BRD10: variants seen among roughly 807,000 people sequenced by gnomAD.
BRD10 encodes the protein uncharacterized bromodomain-containing protein 10.
the BRD10 span, among the ~76,000 whole-genome samples, chr9:5,953,759 G>C: frequency 6.6e-6 from 1 of 151,478 alleles, no homozygotes; most frequent in Non-Finnish European, 1.5e-5. Context: ...CTGCTTCTAG[G>C]AAATGTACTA....
the BRD10 span, among the ~76,000 whole-genome samples, chr9:5,937,243 A>G: frequency 2.0e-4 from 30 of 149,466 alleles, no homozygotes; most frequent in African/African-American, 7.1e-4. Flanking sequence ...AAAAAAAAAA[A>G]GGGTTTAAAG....
At chr9:5,975,045 T>C in the BRD10 span, among the ~76,000 whole-genome samples, 4 of 152,154 alleles carry the variant, frequency 2.6e-5, no homozygotes, top group African/African-American at 9.7e-5. Context: ...ATGTTTGGCA[T>C]TCAAACCAAG....
the BRD10 span, among the ~76,000 whole-genome samples, chr9:5,940,592 TTTAG>T: frequency 1.3e-5 from 2 of 152,334 alleles, no homozygotes; most frequent in African/African-American, 4.8e-5. Flanking sequence ...GTTAATATTG[TTTAG>T]TTAGTCACCT....
the BRD10 span, among the ~76,000 whole-genome samples, chr9:5,989,389 C>G: frequency 6.8e-6 from 1 of 147,308 alleles, no homozygotes; most frequent in Admixed American, 6.8e-5. Flanking sequence ...TGAGATCGTA[C>G]CACTCCACTC....
At chr9:5,992,475 A>T in the BRD10 span, among the ~76,000 whole-genome samples, 1 of 152,206 alleles carries the variant, frequency 6.6e-6, no homozygotes, top group African/African-American at 2.4e-5. Context: ...TACCTTTCAA[A>T]TAGGGTTGTC....
chr9:5,897,579 A>G, the BRD10 span: 1 of 1,614,166 alleles, frequency 6.2e-7, no homozygotes, highest in South Asian at 1.1e-5. Context: ...CGGCATCCTG[A>G]CAGTGATCCT....
At chr9:5,898,710 T>C in the BRD10 span, among the ~76,000 whole-genome samples, 2 of 152,172 alleles carry the variant, frequency 1.3e-5, no homozygotes, top group Non-Finnish European at 2.9e-5. Flanking sequence ...GCTGGTTCTG[T>C]TACTCCACTT....
At chr9:5,893,955 G>A in the BRD10 span, among the ~76,000 whole-genome samples, 1 of 145,320 alleles carries the variant, frequency 6.9e-6, no homozygotes, top group Non-Finnish European at 1.5e-5. Flanking sequence ...TTCTTGCTGT[G>A]TTGTAAATGA....
chr9:5,889,498 T>A, the BRD10 span, among the ~76,000 whole-genome samples: 1 of 152,180 alleles, frequency 6.6e-6, no homozygotes, highest in African/African-American at 2.4e-5. Context: ...AATAAAGATG[T>A]GTTTGAGGCT....
chr9:5,956,381 T>G, the BRD10 span, among the ~76,000 whole-genome samples: 1 of 152,160 alleles, frequency 6.6e-6, no homozygotes, highest in Non-Finnish European at 1.5e-5. Context: ...GTTATAAGCT[T>G]GAGTTTTAGA....
the BRD10 span, chr9:5,954,209 T>C: frequency 1.6e-6 from 1 of 632,258 alleles, no homozygotes; most frequent in Non-Finnish European, 2.8e-6. Context: ...TGGCTGCTAG[T>C]GAGTCAAATA....
the BRD10 span, chr9:5,919,796 G>C: frequency 1.9e-6 from 3 of 1,613,796 alleles, no homozygotes; most frequent in South Asian, 3.3e-5. Context: ...TGGAGAGAGT[G>C]AAGAAACCTT....
At chr9:5,949,047 A>G in the BRD10 span, among the ~76,000 whole-genome samples, 1 of 152,324 alleles carries the variant, frequency 6.6e-6, no homozygotes. Context: ...TCAATGAACT[A>G]TATATATTTT....
the BRD10 span, among the ~76,000 whole-genome samples, chr9:5,940,400 A>T: frequency 6.6e-6 from 1 of 151,734 alleles, no homozygotes; most frequent in South Asian, 2.1e-4. Flanking sequence ...TCACCATGTT[A>T]GCCAGGCTGG....
the BRD10 span, chr9:6,007,964 C>T: frequency 5.4e-6 from 7 of 1,289,254 alleles, no homozygotes; most frequent in Non-Finnish European, 6.8e-6. Context: ...AGCTCACCGC[C>T]GGCGGGGCGG....
chr9:5,992,179 G>A, the BRD10 span, among the ~76,000 whole-genome samples: 5 of 151,854 alleles, frequency 3.3e-5, no homozygotes, highest in African/African-American at 1.2e-4. Flanking sequence ...CTATTTTTTT[G>A]GTAATTATCT....
chr9:5,906,011 C>A, the BRD10 span, among the ~76,000 whole-genome samples: 1 of 151,898 alleles, frequency 6.6e-6, no homozygotes, highest in Non-Finnish European at 1.5e-5. Flanking sequence ...TACATTGTTG[C>A]TATTATTCAT....
the BRD10 span, among the ~76,000 whole-genome samples, chr9:5,966,760 G>C: frequency 2.6e-5 from 4 of 151,936 alleles, no homozygotes; most frequent in African/African-American, 9.7e-5. Context: ...GCCCAGCCTA[G>C]AGACTAACAT....
At chr9:6,000,655 C>A in the BRD10 span, among the ~76,000 whole-genome samples, 2 of 139,024 alleles carry the variant, frequency 1.4e-5, no homozygotes, top group Non-Finnish European at 3.4e-5. Flanking sequence ...AATGGAAGAA[C>A]AATCTTTTTA....
Sources: allele counts gnomAD v4.1 joint callset (sites outside exome capture counted in the v4.1 genomes callset), GRCh38; gene constraint gnomAD v4.1.1; transcripts MANE v1.5; gene names NCBI Gene and HGNC (gene_info 2026-07-23, HGNC 2026-07-21).